TRIM67: variants seen among roughly 807,000 people sequenced by gnomAD.
TRIM67 encodes the protein tripartite motif-containing protein 67.
A neutral mutation model predicts 71.0 loss-of-function variants in TRIM67; 39 were observed. The observed-to-expected ratio is 0.55, with a 90% confidence interval of 0.43 to 0.72. The LOEUF (loss-of-function observed/expected upper bound fraction) is 0.72. Ranked by LOEUF, TRIM67 falls within the 30% of genes least tolerant of loss-of-function variation. The pLI is 0.00. For synonymous variants in TRIM67, 481 were observed against 473.9 expected (o/e 1.01, Z -0.19); for missense variants, 973 against 1,079.2 (o/e 0.90, Z 1.38).
rs1684022124 is a variant in TRIM67, at chr1:231,216,671, C to T, written c.*1231C>T. On this transcript the variant is annotated 3_prime_UTR_variant, in exon 10 of 10. Coordinates refer to ENST00000366653, the MANE Select transcript of TRIM67 (RefSeq NM_001004342.5). ...GAAATAGAAGGGCAGTATCAGGTAC[C>T]TTGTCTCCCAGCTTCCCACTGTGAG... The T allele has an allele frequency of 1.5e-5, 15 of 985,448 alleles. No homozygotes were observed. Among genetic ancestry groups the T allele is most frequent in the Non-Finnish European group, 1.7e-5 (14 of 830,004 alleles). 61.0% of individuals were successfully genotyped at this position (985,448 alleles called of 1,614,324 possible). A position where few individuals can be genotyped will look rare whatever the true frequency, so the allele number is the denominator to read the frequency against.
At position 231,203,878 on chromosome 1, in the gene TRIM67, C is replaced by T; in HGVS notation, c.1546C>T (p.Pro516Ser). ...TGTCCCCCTCGCAGTGCCACCCGTC[C>T]CCCTACTGCAGCTGGAGAAATGCTG... is the stretch of plus-strand genomic sequence containing the variant. ...IQMKCRVPPV[P>S]LLQLEKCCTR... The change falls in exon 6 of 10, where the codon CCC becomes TCC. Residue 516 changes from proline (P) to serine (S), a missense_variant. Physicochemically the swap from Pro to Ser is moderately conservative, Grantham distance 74. Around this residue, in one of 2 missense-constraint regions of TRIM67, gnomAD observed 795 missense variants for 831.3 expected, o/e 0.96. Transcript: ENST00000366653. 1 of 1,613,548 alleles carries T rather than the reference C, an allele frequency of 6.2e-7. No homozygotes were observed. The highest frequency in any genetic ancestry group is 8.5e-7 in the Non-Finnish European group (1 of 1,179,790).
chr1:231,208,153 C>T (rs1008486546), intron 7 of TRIM67, among the ~76,000 whole-genome samples: 4 of 151,248 alleles, frequency 2.6e-5, no homozygotes, highest in East Asian at 3.9e-4. Flanking sequence ...GGACTATAGG[C>T]GCCCACCACC....
At position 231,218,339 on chromosome 1, in the gene TRIM67, T is replaced by G; in HGVS notation, c.*2899T>G. 2.0e-6 allele frequency: 2 copies of G among 986,352 alleles called. No homozygotes were observed. The highest frequency in any genetic ancestry group is 2.4e-6 in the Non-Finnish European group (2 of 830,534). The allele number at this position is 986,352 out of a possible 1,614,324, so 61.1% of individuals were successfully genotyped here. Reference sequence around the variant, plus strand: ...GCTGAGGAGTAACTTGGTGTAAATCTATCAAGCAGTTTCAGTGAAAAAGGA... The same window carrying G: ...GCTGAGGAGTAACTTGGTGTAAATCGATCAAGCAGTTTCAGTGAAAAAGGA... On this transcript the variant is annotated 3_prime_UTR_variant, in exon 10 of 10. Transcript: ENST00000366653.
chr1:231,192,584 G>A (rs1160965878), intron 1 of TRIM67, among the ~76,000 whole-genome samples: 1 of 152,220 alleles, frequency 6.6e-6, no homozygotes, highest in Non-Finnish European at 1.5e-5. Flanking sequence ...TTCCCTGAGT[G>A]AGGAGAACTG....
intron 6 of TRIM67, 95 bp downstream of exon 6, chr1:231,204,107 G>T (rs1401524392): frequency 6.5e-7 from 1 of 1,535,230 alleles, no homozygotes; most frequent in Admixed American, 1.8e-5. Context: ...AGCCCATGGG[G>T]ACATTGTGTT....
At chr1:231,190,631 G>C (rs1683206246) in intron 1 of TRIM67, among the ~76,000 whole-genome samples, 1 of 152,142 alleles carries the variant, frequency 6.6e-6, no homozygotes, top group Non-Finnish European at 1.5e-5. Flanking sequence ...TCCCTAAGTG[G>C]ACATCTACCC....
At position 231,203,994 on chromosome 1, in the gene TRIM67, T is replaced by C. The variant is rs1358250743; in HGVS notation, c.1662T>C (p.Gly554=). The change falls in exon 6 of 10, where the codon GGT becomes GGC. Residue 554 remains glycine (G), a synonymous_variant. Transcript: ENST00000366653. The part of the protein sequence containing the change: ...VDGYILELDD[G]AGGQFREVYV... ...GCTACATCCTGGAGCTGGACGACGGTGCCGGGGGACAGTTCCGGGTGAGGC... is the reference window on the plus strand; with the variant it reads ...GCTACATCCTGGAGCTGGACGACGGCGCCGGGGGACAGTTCCGGGTGAGGC... The C allele has an allele frequency of 5.6e-6, 9 of 1,613,934 alleles. No homozygotes were observed. Among genetic ancestry groups the C allele is most frequent in the Non-Finnish European group, 7.6e-6 (9 of 1,179,862 alleles).
At chr1:231,166,792 A>G (rs1482012272) in intron 1 of TRIM67, among the ~76,000 whole-genome samples, 2 of 152,218 alleles carry the variant, frequency 1.3e-5, no homozygotes, top group African/African-American at 4.8e-5. Flanking sequence ...AAAGCAGTGT[A>G]AAAAACTTTA....
chr1:231,211,752 A>T (rs545341981), intron 8 of TRIM67, among the ~76,000 whole-genome samples: 11 of 152,286 alleles, frequency 7.2e-5, no homozygotes, highest in African/African-American at 2.6e-4. Context: ...TTTTCTTAGC[A>T]GAGTGGCGCT....
intron 1 of TRIM67, among the ~76,000 whole-genome samples, chr1:231,177,480 T>G (rs533864553): frequency 1.3e-5 from 2 of 152,340 alleles, no homozygotes; most frequent in East Asian, 1.9e-4. Flanking sequence ...TGGGGCTTCA[T>G]GCATCAGACA....
At chr1:231,211,456 T>C (rs1683867984) in intron 8 of TRIM67, among the ~76,000 whole-genome samples, 1 of 152,144 alleles carries the variant, frequency 6.6e-6, no homozygotes, top group Non-Finnish European at 1.5e-5. Flanking sequence ...GAGGCTTTGC[T>C]TAGGTTGGAC....
At chr1:231,206,923 A>G (rs1314586685) in intron 7 of TRIM67, 133 bp downstream of exon 7, 6 of 969,596 alleles carry the variant, frequency 6.2e-6, no homozygotes, top group Non-Finnish European at 8.7e-6. Context: ...GGGTTCTCCA[A>G]GGGCGTGCCC....
At chr1:231,187,413 C>A in intron 1 of TRIM67, 2 of 1,032,290 alleles carry the variant, frequency 1.9e-6, no homozygotes, top group South Asian at 1.8e-5. Flanking sequence ...AAAAATGAGT[C>A]ATTTACATTT....
In TRIM67 at chr1:231,215,552, G is replaced by T; in HGVS notation, c.*112G>T. On this transcript the variant is annotated 3_prime_UTR_variant, in exon 10 of 10. Coordinates refer to ENST00000366653, the MANE Select transcript of TRIM67 (RefSeq NM_001004342.5). ...AAAGCAGGATATGCAAATCATGGGT[G>T]CAACCTGGCAGCGTGGAGTGTCATA... 6.9e-7 allele frequency: 1 copy of T among 1,446,080 alleles called. No homozygotes were observed. The highest frequency in any genetic ancestry group is 9.2e-7 in the Non-Finnish European group (1 of 1,091,624). 89.6% of individuals were successfully genotyped at this position (1,446,080 alleles called of 1,614,324 possible). A position where few individuals can be genotyped will look rare whatever the true frequency, so the allele number is the denominator to read the frequency against.
chr1:231,217,776 T>G lies in TRIM67; in HGVS notation c.*2336T>G, dbSNP rs1684052909. ...GCCCATCATTGGAGCACAAGTTGCC[T>G]GGGGCTACCCTGAACCTAACCCCTT... is the stretch of plus-strand genomic sequence containing the variant. On this transcript the variant is annotated 3_prime_UTR_variant, in exon 10 of 10. Transcript: ENST00000366653. The G allele has an allele frequency of 5.5e-6, 7 of 1,283,442 alleles. No individual in the cohort carries two copies. Among genetic ancestry groups the G allele is most frequent in the Non-Finnish European group, 6.1e-6 (6 of 985,968 alleles). The allele number at this position is 1,283,442 out of a possible 1,614,324, so 79.5% of individuals were successfully genotyped here.
In TRIM67 at chr1:231,204,812, G is replaced by A. The variant is rs528856681; in HGVS notation, c.1680+800G>A. Among the ~76,000 whole-genome samples, 4 of 152,314 alleles carry A rather than the reference G, an allele frequency of 2.6e-5. No individual in the cohort carries two copies. The South Asian group carries it at 8.3e-4, about 32-fold the overall frequency. ...TTGCACCCATTTAACAAACCTTGCC[G>A]AAGGTCAACATTCCCTTAGTTTCTC... is the stretch of plus-strand genomic sequence containing the variant. On this transcript the variant is annotated intron_variant, in intron 6 of 9. Transcript: ENST00000366653.
intron 5 of TRIM67, 131 bp from the exon 6 acceptor site, chr1:231,203,736 G>T: frequency 8.2e-7 from 1 of 1,213,018 alleles, no homozygotes. Context: ...AGTGACTACA[G>T]GGTGGCCAGG....
intron 7 of TRIM67, among the ~76,000 whole-genome samples, chr1:231,207,166 G>A (rs114512119): frequency 1.0e-3 from 154 of 152,330 alleles, no homozygotes; most frequent in African/African-American, 3.5e-3. Flanking sequence ...TTACCCCATT[G>A]TGCTGGACTA....
chr1:231,183,465 T>G (rs1286262037), intron 1 of TRIM67, among the ~76,000 whole-genome samples: 1 of 151,940 alleles, frequency 6.6e-6, no homozygotes, highest in Non-Finnish European at 1.5e-5. Context: ...ATATAAAAAT[T>G]ACTTGGGCAT....
Sources: allele counts gnomAD v4.1 joint callset (sites outside exome capture counted in the v4.1 genomes callset), GRCh38; gene constraint gnomAD v4.1.1; regional missense constraint gnomAD v4.1.1; transcripts MANE v1.5; gene names NCBI Gene and HGNC (gene_info 2026-07-23, HGNC 2026-07-21).